Variants in NAA15 observed in about 807,000 individuals in gnomAD.
NAA15 encodes the protein N-terminal acetyltransferase.
Under a neutral mutation model 114.0 loss-of-function variants are expected in NAA15, and 34 were observed. The observed-to-expected ratio is 0.30, with a 90% CI of 0.23 to 0.40. The LOEUF (loss-of-function observed/expected upper bound fraction) is 0.40, where lower values mean the gene tolerates loss of function less well. Ranked by LOEUF, NAA15 falls within the 10% of genes least tolerant of loss-of-function variation. The pLI is 1.00. For missense variants in NAA15, 658 were observed against 1,004.5 expected (o/e 0.66, Z 4.66); for synonymous variants, 340 against 338.0 (o/e 1.01, Z -0.06).
chr4:139,371,718 C>T (rs1223920658), intron 15 of NAA15, among the ~76,000 whole-genome samples: 1 of 152,070 alleles, frequency 6.6e-6, no homozygotes, highest in Non-Finnish European at 1.5e-5. Context: ...CAGAGAATTT[C>T]AGTCATTCAG....
intron 18 of NAA15, among the ~76,000 whole-genome samples, chr4:139,385,294 A>ATATATAATATATAT (rs1748878868): frequency 3.2e-5 from 3 of 95,200 alleles, no homozygotes; most frequent in African/African-American, 1.3e-4. Flanking sequence ...ATATATATAT[A>ATATATAATATATAT]TATATAATAT....
rs371227076 is a variant in NAA15 at position 139,301,881 on chromosome 4, G to A, written c.54+50G>A. On this transcript the variant is annotated intron_variant, in intron 1 of 19. Transcript: ENST00000296543. The stretch of plus-strand genomic sequence containing the variant: ...GGTGGGGAGGATTTAGCCGGTAACC[G>A]GGCCTGTCACCCCTAACCTCGGCCC... 29 of 1,546,810 alleles carry A rather than the reference G, an allele frequency of 1.9e-5. No homozygotes were observed. The African/African-American group carries it at 3.6e-4, about 19-fold the overall frequency.
At chr4:139,373,240 A>G (rs889698163) in intron 15 of NAA15, among the ~76,000 whole-genome samples, 3 of 152,174 alleles carry the variant, frequency 2.0e-5, no homozygotes, top group African/African-American at 7.2e-5. Flanking sequence ...CCTAGATGGT[A>G]AAGTCTACTA....
At position 139,312,460 on chromosome 4, in the gene NAA15, G is replaced by T. The variant is rs925603538; in HGVS notation, c.54+10629G>T. On this transcript the variant is annotated intron_variant, in intron 1 of 19. Transcript: ENST00000296543. ...ACACTAGTCTAACTTGTTGCCTGTG[G>T]TTTTTTTCCTCCTAGGTAAGATAGG... 5.3e-5 allele frequency among the ~76,000 whole-genome samples: 8 copies of T among 151,932 alleles called. 1 individual carries two copies. The highest frequency in any genetic ancestry group is 4.6e-4 in the Admixed American group (7 of 15,272).
intron 1 of NAA15, among the ~76,000 whole-genome samples, chr4:139,306,223 T>C (rs560403399): frequency 7.9e-5 from 12 of 152,280 alleles, no homozygotes; most frequent in Non-Finnish European, 1.6e-4. Flanking sequence ...ATGTGACATA[T>C]ACTATGTAAG....
intron 1 of NAA15, among the ~76,000 whole-genome samples, chr4:139,319,106 C>A (rs965379788): frequency 1.3e-5 from 2 of 151,990 alleles, no homozygotes; most frequent in African/African-American, 4.8e-5. Context: ...CCAGGCTGGC[C>A]AACATGGTGA....
intron 1 of NAA15, among the ~76,000 whole-genome samples, chr4:139,324,903 T>C (rs1026989702): frequency 6.6e-6 from 1 of 152,216 alleles, no homozygotes; most frequent in African/African-American, 2.4e-5. Context: ...GTAGTAGTTA[T>C]TTGGAGGGGC....
intron 14 of NAA15, among the ~76,000 whole-genome samples, chr4:139,363,810 G>T (rs559818856): frequency 7.2e-5 from 11 of 152,188 alleles, no homozygotes; most frequent in Admixed American, 2.0e-4. Context: ...AGCTCTGAAG[G>T]TTATTGTTCT....
At chr4:139,323,053 CTTTTTTTTTTT>C (rs67137305) in intron 1 of NAA15, among the ~76,000 whole-genome samples, 48 of 117,480 alleles carry the variant, frequency 4.1e-4, no homozygotes, top group Non-Finnish European at 7.9e-4. Flanking sequence ...CTTTTCTTTT[CTTTTTTTTTTT>C]TTTTTTTTTG....
At chr4:139,382,309 G>T (rs780790347) in intron 17 of NAA15, among the ~76,000 whole-genome samples, 13 of 152,002 alleles carry the variant, frequency 8.6e-5, no homozygotes, top group Middle Eastern at 3.2e-3. Context: ...AAAATTAGTA[G>T]GCCTCAAACT....
chr4:139,388,027 G>A lies in NAA15; in HGVS notation c.2544G>A (p.Lys848=). 6.2e-7 allele frequency: 1 copy of A among 1,613,910 alleles called. No individual in the cohort carries two copies. Among genetic ancestry groups the A allele is most frequent in the Non-Finnish European group, 8.5e-7 (1 of 1,179,894 alleles). ...CTCCTGGATATGAAGAGGATATGAA[G>A]ATCACAGTTAATGGAGATAGTTCTG... ...FMPPGYEEDM[K]ITVNGDSSAE... Residue 848 remains lysine (K), a synonymous_variant, in exon 20 of 20, where the codon AAG becomes AAA. Transcript: ENST00000296543.
intron 1 of NAA15, among the ~76,000 whole-genome samples, chr4:139,312,217 A>T (rs1459473694): frequency 6.6e-6 from 1 of 151,964 alleles, no homozygotes; most frequent in Non-Finnish European, 1.5e-5. Flanking sequence ...TCTGAAAAGA[A>T]TGTCAGTTGC....
At chr4:139,378,087 G>T (rs1262728091) in intron 16 of NAA15, among the ~76,000 whole-genome samples, 1 of 152,088 alleles carries the variant, frequency 6.6e-6, no homozygotes, top group Admixed American at 6.6e-5. Context: ...AAGAGACTGG[G>T]GTTTTGAACT....
intron 1 of NAA15, among the ~76,000 whole-genome samples, chr4:139,333,635 G>C (rs560372474): frequency 7.4e-4 from 112 of 152,266 alleles, no homozygotes; most frequent in African/African-American, 2.5e-3. Context: ...CCAGCCCCTG[G>C]GGAGGCCGAG....
intron 1 of NAA15, among the ~76,000 whole-genome samples, chr4:139,311,926 A>G (rs544666509): frequency 2.0e-4 from 30 of 151,908 alleles, no homozygotes; most frequent in South Asian, 2.1e-4. Flanking sequence ...GTGAATTGCT[A>G]CTGCACTCCA....
chr4:139,329,881 T>C (rs4306907), intron 1 of NAA15, among the ~76,000 whole-genome samples: 136,956 of 152,180 alleles, frequency 0.9, 61,740 homozygotes, highest in East Asian at 0.95. Flanking sequence ...TCCTGTAGTT[T>C]GCTTGGGATC....
intron 14 of NAA15, among the ~76,000 whole-genome samples, chr4:139,369,375 A>G (rs1380631322): frequency 1.3e-5 from 2 of 152,202 alleles, no homozygotes; most frequent in Admixed American, 1.3e-4. Flanking sequence ...GTTTACATGC[A>G]TATCCCATAT....
chr4:139,379,943 G>A (rs1686085041), intron 17 of NAA15, among the ~76,000 whole-genome samples: 1 of 152,124 alleles, frequency 6.6e-6, no homozygotes, highest in South Asian at 2.1e-4. Flanking sequence ...TATTCAGGAG[G>A]GTGAGGCAGG....
intron 10 of NAA15, 52 bp downstream of exon 10, chr4:139,354,150 T>G: frequency 7.1e-7 from 1 of 1,409,664 alleles, no homozygotes; most frequent in South Asian, 1.2e-5. Flanking sequence ...TTTAATACAT[T>G]GTGAAATTCT....
Sources: allele counts gnomAD v4.1 joint callset (sites outside exome capture counted in the v4.1 genomes callset), GRCh38; gene constraint gnomAD v4.1.1; transcripts MANE v1.5; gene names NCBI Gene and HGNC (gene_info 2026-07-23, HGNC 2026-07-21).